The following ARMC1 variants were observed in gnomAD, a reference collection of about 807,000 sequenced individuals.
The protein encoded by ARMC1 is armadillo repeat containing 1, also known as armadillo repeat-containing protein 1.
Under a neutral mutation model 31.4 loss-of-function variants are expected in ARMC1, and 16 were observed. That is an observed-to-expected ratio of 0.51 (90% CI 0.34 to 0.77). The LOEUF (loss-of-function observed/expected upper bound fraction) is 0.77, where lower values mean the gene tolerates loss of function less well. Ranked by LOEUF, ARMC1 falls within the 30% of genes least tolerant of loss-of-function variation. ARMC1 has a pLI of 0.01. For synonymous variants in ARMC1, 114 were observed against 118.9 expected (o/e 0.96, Z 0.27); for missense variants, 259 against 347.5 (o/e 0.75, Z 2.02).
At chr8:65,625,385 G>A (rs143154833) in intron 2 of ARMC1, among the ~76,000 whole-genome samples, 4 of 152,086 alleles carry the variant, frequency 2.6e-5, no homozygotes, top group East Asian at 1.9e-4. Context: ...GAATCATATC[G>A]ATTCAGTATT....
chr8:65,624,498 C>CA (rs538324950), intron 2 of ARMC1, among the ~76,000 whole-genome samples: 9,266 of 95,400 alleles, frequency 0.097, 1,526 homozygotes, highest in African/African-American at 0.31. Flanking sequence ...GACTCCATCT[C>CA]AAAAAAAAAA....
At chr8:65,619,266 G>T (rs1026917832) in intron 3 of ARMC1, among the ~76,000 whole-genome samples, 2 of 152,184 alleles carry the variant, frequency 1.3e-5, no homozygotes, top group African/African-American at 4.8e-5. Flanking sequence ...CAGGGGTGGT[G>T]ATTCACCCCT....
intron 1 of ARMC1, among the ~76,000 whole-genome samples, chr8:65,627,990 T>C (rs961523263): frequency 6.6e-6 from 1 of 152,094 alleles, no homozygotes; most frequent in African/African-American, 2.4e-5. Context: ...TGAAAGATCA[T>C]AGTGAATCTA....
chr8:65,630,676 G>A (rs535255728), intron 1 of ARMC1, among the ~76,000 whole-genome samples: 1 of 152,228 alleles, frequency 6.6e-6, no homozygotes, highest in East Asian at 1.9e-4. Flanking sequence ...AAAATTAGCT[G>A]GGCATGGTGG....
At chr8:65,604,651 T>A in intron 6 of ARMC1, 66 bp from the exon 7 acceptor site, 2 of 1,437,062 alleles carry the variant, frequency 1.4e-6, no homozygotes, top group Non-Finnish European at 1.9e-6. Flanking sequence ...TTACCGTGGT[T>A]ATTCTCAGGG....
At chr8:65,628,100 A>G (rs1585721162) in intron 1 of ARMC1, among the ~76,000 whole-genome samples, 1 of 152,224 alleles carries the variant, frequency 6.6e-6, no homozygotes, top group African/African-American at 2.4e-5. Context: ...GACATAATTC[A>G]TTTGCCAGAT....
At chr8:65,619,330 G>A (rs891169956) in intron 3 of ARMC1, among the ~76,000 whole-genome samples, 1 of 151,906 alleles carries the variant, frequency 6.6e-6, no homozygotes, top group African/African-American at 2.4e-5. Context: ...CTGAGGCCAC[G>A]AGTTCGAGAC....
At chr8:65,622,771 C>T (rs1289419569) in intron 2 of ARMC1, among the ~76,000 whole-genome samples, 1 of 151,068 alleles carries the variant, frequency 6.6e-6, no homozygotes, top group African/African-American at 2.4e-5. Context: ...CACCTATAAT[C>T]CCAGCACTTT....
chr8:65,626,441 TAA>T (rs60790153), intron 2 of ARMC1, among the ~76,000 whole-genome samples: 2 of 132,736 alleles, frequency 1.5e-5, no homozygotes, highest in East Asian at 2.2e-4. Flanking sequence ...CTATCTCTAC[TAA>T]AAAAAAAAAA....
chr8:65,625,329 T>C (rs1808490646), intron 2 of ARMC1, among the ~76,000 whole-genome samples: 1 of 152,152 alleles, frequency 6.6e-6, no homozygotes, highest in Non-Finnish European at 1.5e-5. Flanking sequence ...AAGTAACAAC[T>C]CTAGACAAAT....
intron 4 of ARMC1, among the ~76,000 whole-genome samples, chr8:65,607,406 A>G (rs1808028636): frequency 6.6e-6 from 1 of 152,262 alleles, no homozygotes; most frequent in African/African-American, 2.4e-5. Context: ...TGAAAAGTTG[A>G]AAAACAACTT....
intron 3 of ARMC1, among the ~76,000 whole-genome samples, chr8:65,618,698 G>T (rs1424741277): frequency 2.0e-5 from 3 of 151,998 alleles, no homozygotes; most frequent in African/African-American, 7.2e-5. Flanking sequence ...AAACAGGGAA[G>T]GAGAACTATG....
At chr8:65,610,515 C>T (rs1432805713) in intron 4 of ARMC1, among the ~76,000 whole-genome samples, 1 of 151,844 alleles carries the variant, frequency 6.6e-6, no homozygotes, top group African/African-American at 2.4e-5. Flanking sequence ...GCCAACATGG[C>T]GAAACCCCGT....
At chr8:65,633,540 G>A (rs1426571765) in intron 1 of ARMC1, among the ~76,000 whole-genome samples, 2 of 152,182 alleles carry the variant, frequency 1.3e-5, no homozygotes, top group Non-Finnish European at 2.9e-5. Context: ...AGTGCACTAA[G>A]TATCACGAAA....
rs55707653 is a variant in ARMC1 at position 65,617,467 on chromosome 8, T to G, written c.276-4034A>C. Among the ~76,000 whole-genome samples the G allele has an allele frequency of 5.9e-5, 9 of 152,088 alleles. No individual in the cohort carries two copies. In the South Asian group the frequency reaches 6.2e-4, roughly 11 times the overall value. On this transcript the variant is annotated intron_variant, in intron 3 of 6. Coordinates refer to ENST00000276569, the MANE Select transcript of ARMC1 (RefSeq NM_018120.6). Reference sequence around the variant, plus strand: ...ACCACTCCCTAATCTCAAGTACCCATGGACACAAACACTGCGGAAGGCCGC... The same window carrying G: ...ACCACTCCCTAATCTCAAGTACCCAGGGACACAAACACTGCGGAAGGCCGC...
At chr8:65,623,351 G>A (rs970866615) in intron 2 of ARMC1, among the ~76,000 whole-genome samples, 2 of 142,462 alleles carry the variant, frequency 1.4e-5, no homozygotes, top group African/African-American at 5.3e-5. Flanking sequence ...GCTCACGGCT[G>A]TAATCCCAGC....
At chr8:65,620,658 GA>G (rs1224457590) in intron 3 of ARMC1, among the ~76,000 whole-genome samples, 8 of 151,402 alleles carry the variant, frequency 5.3e-5, no homozygotes, top group African/African-American at 1.9e-4. Flanking sequence ...ACCCGTTTCA[GA>G]AAAAAAAGGA....
chr8:65,623,324 A>AAAAAAAAAC (rs1554541796), intron 2 of ARMC1, among the ~76,000 whole-genome samples: 2 of 144,440 alleles, frequency 1.4e-5, no homozygotes, highest in African/African-American at 2.6e-5. Flanking sequence ...AAAAAAAAAA[A>AAAAAAAAAC]TGCTGGGCGC....
chr8:65,630,112 T>G (rs1808609833), intron 1 of ARMC1, among the ~76,000 whole-genome samples: 2 of 152,252 alleles, frequency 1.3e-5, no homozygotes, highest in Middle Eastern at 6.8e-3. Flanking sequence ...GCCACTGCAC[T>G]CCAGCCTGGG....
Sources: allele counts gnomAD v4.1 joint callset (sites outside exome capture counted in the v4.1 genomes callset), GRCh38; gene constraint gnomAD v4.1.1; transcripts MANE v1.5; gene names NCBI Gene and HGNC (gene_info 2026-07-23, HGNC 2026-07-21).